The following UBE2O variants were observed in gnomAD, a reference collection of about 807,000 sequenced individuals.
UBE2O encodes the protein (E3-independent) E2 ubiquitin-conjugating enzyme.
Under a neutral mutation model 125.8 loss-of-function variants are expected in UBE2O, and 15 were observed. The observed-to-expected ratio is 0.12, with a 90% CI of 0.08 to 0.18. The LOEUF is 0.18. UBE2O is among the 10% of genes least tolerant of loss of function. UBE2O has a pLI of 1.00. For synonymous variants in UBE2O, 708 were observed against 703.2 expected, an observed-to-expected ratio of 1.01 and a Z score of -0.11; for missense variants, 1,280 against 1,723.6, an observed-to-expected ratio of 0.74 and a Z score of 4.56.
chr17:76,398,529 G>A lies in UBE2O; in HGVS notation c.1839C>T (p.Ile613=), dbSNP rs968803663. ...VYGVVQSGDH[I]GRTCMVKWFK... ...ACCACTTCACCATGCAGGTACGGCC[G>A]ATGTGGTCCCCAGACTGTACCACAC... is the stretch of plus-strand genomic sequence containing the variant. Residue 613 remains isoleucine, a synonymous_variant, in exon 11 of 18, where the codon ATC becomes ATT. Transcript: ENST00000319380. The surrounding 1 kb of genome is among the most constrained non-coding windows in gnomAD (Gnocchi z 5.4). The A allele has an allele frequency of 2.5e-6, 4 of 1,614,046 alleles. No homozygotes were observed. Among genetic ancestry groups the A allele is most frequent in the Non-Finnish European group, 3.4e-6 (4 of 1,180,010 alleles).
Position 76,396,101 on chromosome 17 carries a change from G to T in UBE2O, c.2809+27C>A. ...AGGAGCCCCGAGAAGGCGGGGGAAG[G>T]CGAAGACCAGGCAAGGGCTGACTCA... On this transcript the variant is annotated intron_variant, in intron 14 of 17. Transcript: ENST00000319380. This position sits in a 1 kb window ranked among gnomAD's most constrained non-coding sequence, Gnocchi z 6.7. 6.2e-7 allele frequency: 1 copy of T among 1,607,146 alleles called. No individual in the cohort carries two copies. Among genetic ancestry groups the T allele is most frequent in the East Asian group, 2.2e-5 (1 of 44,830 alleles).
At chr17:76,446,999 G>A (rs1283455248) in intron 1 of UBE2O, among the ~76,000 whole-genome samples, 5 of 152,162 alleles carry the variant, frequency 3.3e-5, no homozygotes, top group African/African-American at 9.7e-5. Context: ...TGTTCCTCCC[G>A]TCCTGCTCCC....
At chr17:76,411,059 A>G (rs536854891) in intron 1 of UBE2O, among the ~76,000 whole-genome samples, 34 of 152,232 alleles carry the variant, frequency 2.2e-4, no homozygotes, top group African/African-American at 7.0e-4. Context: ...GGGTGGGAAG[A>G]ACAGAGTTTC....
At chr17:76,416,009 G>A (rs1260497725) in intron 1 of UBE2O, among the ~76,000 whole-genome samples, 3 of 149,812 alleles carry the variant, frequency 2.0e-5, no homozygotes, top group African/African-American at 7.3e-5. Context: ...ATACGTATGT[G>A]TATACATATG....
At position 76,401,022 on chromosome 17, in the gene UBE2O, C is replaced by G; in HGVS notation, c.883G>C (p.Val295Leu). 1 of 1,613,862 alleles carries G rather than the reference C, an allele frequency of 6.2e-7. No individual in the cohort carries two copies. Among genetic ancestry groups the G allele is most frequent in the Non-Finnish European group, 8.5e-7 (1 of 1,180,024 alleles). Residue 295 changes from valine to leucine, a missense_variant, in exon 6 of 18, where the codon GTG becomes CTG. Val to Leu is a conservative substitution (Grantham distance 32). This residue lies in a region of UBE2O where 206 missense variants were observed against 315.7 expected (regional missense o/e 0.65). Coordinates refer to ENST00000319380, the MANE Select transcript of UBE2O (RefSeq NM_022066.4). ...VLSTKSKFRV[V>L]VEEVQVVELK... Reference sequence around the variant, plus strand: ...GGGCCCGGACCCACCTCTTCCACCACCACTCGGAACTTGCTCTTGGTGCTG... The same window carrying G: ...GGGCCCGGACCCACCTCTTCCACCAGCACTCGGAACTTGCTCTTGGTGCTG...
In UBE2O at chr17:76,402,606, C is replaced by A. The variant is rs763138134; in HGVS notation, c.682G>T (p.Ala228Ser). 1.8e-5 allele frequency: 29 copies of A among 1,613,880 alleles called. 1 individual carries two copies. The South Asian group carries it at 2.5e-4, about 14-fold the overall frequency. The change falls in exon 4 of 18, where the codon GCC becomes TCC. Residue 228 changes from alanine to serine, a missense_variant. This residue lies in a region of UBE2O where 206 missense variants were observed against 315.7 expected (regional missense o/e 0.65). Transcript: ENST00000319380. The surrounding 1 kb of genome is among the most constrained non-coding windows in gnomAD (Gnocchi z 5.4). Reference protein sequence around the residue: ...NQIILKLSNGARCSMNTEDGA... With the variant: ...NQIILKLSNGSRCSMNTEDGA... ...TCTCTGGTGGTGAGACTCTACCTGG[C>A]GCCGTTGGATAGCTTCAGGATGATC...
chr17:76,428,049 T>C (rs1279630509), intron 1 of UBE2O, among the ~76,000 whole-genome samples: 1 of 152,206 alleles, frequency 6.6e-6, no homozygotes, highest in Non-Finnish European at 1.5e-5. Flanking sequence ...ATTCTGTTGT[T>C]ATAGCTTATA....
Position 76,400,952 on chromosome 17 carries a change from C to T in UBE2O, c.894+59G>A. The stretch of plus-strand genomic sequence containing the variant: ...AGAGCAGGAAGGAAAGGGGCAGCAG[C>T]TCAGCTCCAGGGTGTGGAGGTCAAG... On this transcript the variant is annotated intron_variant, in intron 6 of 17. Transcript: ENST00000319380. This position sits in a 1 kb window ranked among gnomAD's most constrained non-coding sequence, Gnocchi z 4.3. 4 of 1,593,458 alleles carry T rather than the reference C, an allele frequency of 2.5e-6. No homozygotes were observed. Among genetic ancestry groups the T allele is most frequent in the South Asian group, 1.1e-5 (1 of 89,694 alleles).
rs2072291297 is a variant in UBE2O at position 76,400,075 on chromosome 17, C to T, written c.1155+72G>A. 1.3e-6 allele frequency: 2 copies of T among 1,565,414 alleles called. No individual in the cohort carries two copies. Among genetic ancestry groups the T allele is most frequent in the Admixed American group, 3.5e-5 (2 of 56,590 alleles). ...CCCCAAGGCCTAAAGCACAGACTGT[C>T]CTTCTTGGCCATGGAAATGGCTCAA... On this transcript the variant is annotated intron_variant, in intron 8 of 17. Coordinates refer to ENST00000319380, the MANE Select transcript of UBE2O (RefSeq NM_022066.4). The surrounding 1 kb of genome is among the most constrained non-coding windows in gnomAD (Gnocchi z 4.3).
chr17:76,420,066 G>A (rs959490178), intron 1 of UBE2O, among the ~76,000 whole-genome samples: 2 of 152,086 alleles, frequency 1.3e-5, no homozygotes, highest in African/African-American at 2.4e-5. Flanking sequence ...CTCATGATCC[G>A]GAGCCTCACC....
In UBE2O at chr17:76,390,501, C is replaced by T. The variant is rs901226566; in HGVS notation, c.*442G>A. 6.3e-6 allele frequency: 1 copy of T among 158,700 alleles called. No individual in the cohort carries two copies. Among genetic ancestry groups the T allele is most frequent in the African/African-American group, 2.4e-5 (1 of 41,528 alleles). 9.8% of individuals were successfully genotyped at this position (158,700 alleles called of 1,614,324 possible). On this transcript the variant is annotated 3_prime_UTR_variant, in exon 18 of 18. Transcript: ENST00000319380. Reference sequence around the variant, plus strand: ...GGGACACAGGGAGGCTTGAGTTGAACTAAACAGGTTGAAAGGGACCAGGGG... The same window carrying T: ...GGGACACAGGGAGGCTTGAGTTGAATTAAACAGGTTGAAAGGGACCAGGGG...
Position 76,396,039 on chromosome 17 carries a change from G to C in UBE2O, c.2809+89C>G, listed in dbSNP as rs772704728. On this transcript the variant is annotated intron_variant, in intron 14 of 17. Transcript: ENST00000319380. The surrounding 1 kb of genome is among the most constrained non-coding windows in gnomAD (Gnocchi z 6.7). ...GGCAGTAGCTGGGGTCTGGCGAGGG[G>C]ACTAACCACCCTGCACCCAGATCTG... is the stretch of plus-strand genomic sequence containing the variant. 2.7e-6 allele frequency: 4 copies of C among 1,508,546 alleles called. No individual in the cohort carries two copies. Among genetic ancestry groups the C allele is most frequent in the Non-Finnish European group, 2.7e-6 (3 of 1,106,804 alleles). The allele number at this position is 1,508,546 out of a possible 1,614,324, so 93.4% of individuals were successfully genotyped here. A position where few individuals can be genotyped will look rare whatever the true frequency, so the allele number is the denominator to read the frequency against.
rs185439132 is a variant in UBE2O, at chr17:76,400,708, C to T, written c.895-158G>A. ...TCAGAGCAGGCCCCAACTGTAACCA[C>T]GGCCCCCACCCAATGCCCAGGACCA... is the stretch of plus-strand genomic sequence containing the variant. On this transcript the variant is annotated intron_variant, in intron 6 of 17. Transcript: ENST00000319380. The surrounding 1 kb of genome is among the most constrained non-coding windows in gnomAD (Gnocchi z 4.3). 3.9e-5 allele frequency among the ~76,000 whole-genome samples: 6 copies of T among 152,318 alleles called. No individual in the cohort carries two copies. Among genetic ancestry groups the T allele is most frequent in the East Asian group, 1.9e-4 (1 of 5,182 alleles).
chr17:76,413,619 G>A (rs571921579), intron 1 of UBE2O, among the ~76,000 whole-genome samples: 38 of 152,296 alleles, frequency 2.5e-4, no homozygotes, highest in African/African-American at 7.7e-4. Flanking sequence ...AGTGACTGCT[G>A]AGAAGCTGGA....
intron 1 of UBE2O, among the ~76,000 whole-genome samples, chr17:76,419,283 C>CAAA (rs35062714): frequency 4.7e-4 from 30 of 63,258 alleles, no homozygotes; most frequent in African/African-American, 9.8e-4. Context: ...GACCCTATCT[C>CAAA]AAAAAAAAAA....
chr17:76,452,778 C>G lies in UBE2O; in HGVS notation c.364G>C (p.Val122Leu), dbSNP rs777039022. ...CCCTCCGGGTACCACTGGACGCGCACGTAGCCGCGGCGCAGGGGGCTGGCC... is the reference window on the plus strand; with the variant it reads ...CCCTCCGGGTACCACTGGACGCGCAGGTAGCCGCGGCGCAGGGGGCTGGCC... ...GRASPLRRGY[V>L]RVQWYPEGVK... is the part of the protein sequence containing the mutation. The change falls in exon 1 of 18, where the codon GTG becomes CTG. Residue 122 changes from valine to leucine, a missense_variant. By Grantham distance (32) the Val-to-Leu change is conservative (BLOSUM62 1). Transcript: ENST00000319380. This position sits in a 1 kb window ranked among gnomAD's most constrained non-coding sequence, Gnocchi z 4.4. The G allele has an allele frequency of 6.6e-7, 1 of 1,522,510 alleles. No individual in the cohort carries two copies. Among genetic ancestry groups the G allele is most frequent in the South Asian group, 1.2e-5 (1 of 80,804 alleles). 94.3% of individuals were successfully genotyped at this position (1,522,510 alleles called of 1,614,324 possible). A position where few individuals can be genotyped will look rare whatever the true frequency, so the allele number is the denominator to read the frequency against.
intron 5 of UBE2O, 125 bp downstream of exon 5, chr17:76,401,939 G>T (rs1189138643): frequency 3.6e-6 from 3 of 839,098 alleles, no homozygotes; most frequent in East Asian, 5.8e-5. Flanking sequence ...AGACCCTCTG[G>T]CGCGCACCCG....
intron 13 of UBE2O, among the ~76,000 whole-genome samples, 183 bp downstream of exon 13, chr17:76,397,616 G>A (rs2072236951): frequency 6.6e-6 from 1 of 152,232 alleles, no homozygotes; most frequent in South Asian, 2.1e-4. Context: ...GGAGAAGCGA[G>A]GCTGGTGGGC....
chr17:76,407,545 C>G (rs902153465), intron 1 of UBE2O, among the ~76,000 whole-genome samples: 4 of 152,308 alleles, frequency 2.6e-5, no homozygotes, highest in African/African-American at 7.2e-5. Context: ...GCTGCCTCCA[C>G]CACTTGGGGG....
Sources: gnomAD v4.1 joint callset for allele counts (sites outside exome capture counted in the v4.1 genomes callset) on GRCh38, gnomAD v4.1.1 for gene constraint, gnomAD v4.1.1 regional missense constraint, Gnocchi (gnomAD v3.1) non-coding constraint, MANE v1.5 for transcripts, NCBI Gene and HGNC (gene_info 2026-07-23, HGNC 2026-07-21) for gene names.